The following EXO1 variants were observed in gnomAD, a reference collection of about 807,000 sequenced individuals.
EXO1 encodes the protein exonuclease 1.
EXO1 carries 69 observed loss-of-function variants against 84.5 expected under a neutral mutation model. The ratio of observed to expected loss-of-function variants is 0.82; its 90% CI spans 0.67 to 1.00. The LOEUF is 1.00. Among genes scored for constraint, EXO1 ranks in the 50% least tolerant of loss-of-function variants. EXO1 has a pLI of 0.00. For synonymous variants in EXO1, 373 were observed against 366.1 expected, an observed-to-expected ratio of 1.02 and a Z score of -0.21; for missense variants, 1,045 against 1,000.7, an observed-to-expected ratio of 1.04 and a Z score of -0.60.
At chr1:241,853,228 G>A in intron 5 of EXO1, 130 bp from the exon 6 acceptor site, 1 of 878,676 alleles carries the variant, frequency 1.1e-6, no homozygotes, top group Non-Finnish European at 1.9e-6. Flanking sequence ...TCAAGGGCCT[G>A]GTGTGTACTT....
chr1:241,850,070 A>T lies in EXO1; in HGVS notation c.-17-339A>T, dbSNP rs376470390. Among the ~76,000 whole-genome samples, 49 of 151,952 alleles carry T rather than the reference A, an allele frequency of 3.2e-4. No homozygotes were observed. The South Asian group carries it at 0.01, about 32-fold the overall frequency. On this transcript the variant is annotated intron_variant, in intron 3 of 15. Coordinates refer to ENST00000366548, the MANE Select transcript of EXO1 (RefSeq NM_130398.4). Reference sequence around the variant, plus strand: ...GCCGAGGCGGGCGGATCACGAGTTCAGGAGATCGAGACCATCCTGGCTAAC... The same window carrying T: ...GCCGAGGCGGGCGGATCACGAGTTCTGGAGATCGAGACCATCCTGGCTAAC...
intron 6 of EXO1, among the ~76,000 whole-genome samples, chr1:241,856,012 A>G (rs1661009520): frequency 6.6e-6 from 1 of 152,210 alleles, no homozygotes; most frequent in Non-Finnish European, 1.5e-5. Context: ...TGGCCAGCCC[A>G]GAAAGGGGCT....
At chr1:241,863,423 C>A (rs72755294) in intron 10 of EXO1, among the ~76,000 whole-genome samples, 267 of 144,550 alleles carry the variant, frequency 1.8e-3, no homozygotes, top group East Asian at 2.2e-3. Flanking sequence ...AAAAAAAAAA[C>A]AAAAAAAGCG....
intron 15 of EXO1, among the ~76,000 whole-genome samples, chr1:241,888,935 T>C (rs955692560): frequency 6.6e-6 from 1 of 152,024 alleles, no homozygotes; most frequent in Non-Finnish European, 1.5e-5. Context: ...ATTAGCCAGG[T>C]GTGGTGGTGC....
At chr1:241,859,476 G>A (rs1345798770) in intron 8 of EXO1, among the ~76,000 whole-genome samples, 3 of 152,140 alleles carry the variant, frequency 2.0e-5, no homozygotes, top group African/African-American at 7.2e-5. Context: ...ATTACCTTCA[G>A]TCTATGTGTG....
Position 241,872,148 on chromosome 1 carries a change from G to A in EXO1, c.1384G>A (p.Asp462Asn), listed in dbSNP as rs201895702. 3.1e-5 allele frequency: 50 copies of A among 1,613,920 alleles called. No individual in the cohort carries two copies. Among genetic ancestry groups the A allele is most frequent in the South Asian group, 1.1e-5 (1 of 91,072 alleles). Residue 462 changes from aspartate (D) to asparagine (N), a missense_variant, in exon 12 of 16, where the codon GAC (aspartate) becomes AAC (asparagine). By Grantham distance (23) the Asp-to-Asn change is conservative (BLOSUM62 1). Coordinates refer to ENST00000366548, the MANE Select transcript of EXO1 (RefSeq NM_130398.4). ...SLSFSEVFVP[D>N]LVNGPTNKKS... Reference sequence around the variant, plus strand: ...GAGCTTTTCTGAAGTGTTTGTGCCTGACCTGGTAAATGGACCTACTAACAA... The same window carrying A: ...GAGCTTTTCTGAAGTGTTTGTGCCTAACCTGGTAAATGGACCTACTAACAA...
intron 11 of EXO1, among the ~76,000 whole-genome samples, chr1:241,868,443 C>G (rs1661878936): frequency 6.6e-6 from 1 of 151,452 alleles, no homozygotes; most frequent in Non-Finnish European, 1.5e-5. Flanking sequence ...TGCAGCTTCT[C>G]TGCTCAAAGG....
intron 10 of EXO1, among the ~76,000 whole-genome samples, chr1:241,864,800 G>T (rs1369958906): frequency 6.6e-6 from 1 of 151,726 alleles, no homozygotes; most frequent in Admixed American, 6.6e-5. Context: ...TTTGAGGAAT[G>T]ATTATGGAAA....
intron 6 of EXO1, among the ~76,000 whole-genome samples, chr1:241,856,713 T>C (rs1461006027): frequency 2.0e-5 from 3 of 152,196 alleles, no homozygotes; most frequent in Non-Finnish European, 4.4e-5. Flanking sequence ...ATAGCCATTC[T>C]TAAGATGGAA....
chr1:241,850,560 A>G lies in EXO1; in HGVS notation c.135A>G (p.Lys45=). The change falls in exon 4 of 16, where the codon AAA becomes AAG. Residue 45 remains lysine (K), a synonymous_variant. Transcript: ENST00000366548. Reference sequence around the variant, plus strand: ...AAGGAGCTATTGCTTGTGCTGAAAAACTAGCCAAAGGTGAACCTACTGATA... The same window carrying G: ...AAGGAGCTATTGCTTGTGCTGAAAAGCTAGCCAAAGGTGAACCTACTGATA... ...LHKGAIACAE[K]LAKGEPTDRY... is the part of the protein sequence containing the mutation. 6.2e-7 allele frequency: 1 copy of G among 1,613,986 alleles called. No individual in the cohort carries two copies. Among genetic ancestry groups the G allele is most frequent in the Non-Finnish European group, 8.5e-7 (1 of 1,179,962 alleles).
In EXO1 at chr1:241,866,919, C is replaced by T. The variant is rs1574156070; in HGVS notation, c.1131C>T (p.Pro377=). The T allele has an allele frequency of 6.2e-7, 1 of 1,614,076 alleles. No individual in the cohort carries two copies. The stretch of plus-strand genomic sequence containing the variant: ...GCATTTGGCATAGGAATTACTCTCC[C>T]AGACCAGAGTCGGGTACTGTTTCAG... ...VSSIWHRNYS[P]RPESGTVSDA... Residue 377 remains proline (P), a synonymous_variant, in exon 11 of 16, where the codon CCC becomes CCT. Transcript: ENST00000366548.
intron 11 of EXO1, among the ~76,000 whole-genome samples, chr1:241,868,414 G>A (rs1315825256): frequency 1.3e-5 from 2 of 150,948 alleles, no homozygotes; most frequent in Non-Finnish European, 2.9e-5. Context: ...AAAGCTGTCA[G>A]CTGGTTATTC....
intron 12 of EXO1, among the ~76,000 whole-genome samples, chr1:241,878,462 A>G (rs1331907457): frequency 6.7e-6 from 1 of 148,646 alleles, no homozygotes; most frequent in Non-Finnish European, 1.5e-5. Context: ...CCGCCACTGC[A>G]CTCCAGCCTG....
At chr1:241,875,698 G>GA (rs1276414247) in intron 12 of EXO1, among the ~76,000 whole-genome samples, 2 of 152,130 alleles carry the variant, frequency 1.3e-5, no homozygotes, top group African/African-American at 4.8e-5. Context: ...CTAACATGGT[G>GA]AAACCCCATC....
At position 241,878,759 on chromosome 1, in the gene EXO1, A is replaced by G. The variant is rs1309952139; in HGVS notation, c.1525A>G (p.Ser509Gly). Reference sequence around the variant, plus strand: ...TGCTTTTTTTATTAGGTTTTTTTGCAGTTCAGATTCTACTGACTGTGTATC... The same window carrying G: ...TGCTTTTTTTATTAGGTTTTTTTGCGGTTCAGATTCTACTGACTGTGTATC... ...VPGTRSRFFCSSDSTDCVSNK... is the reference protein window; with the variant it reads ...VPGTRSRFFCGSDSTDCVSNK... The change falls in exon 13 of 16, where the codon AGT (serine) becomes GGT (glycine). Residue 509 changes from serine (S) to glycine (G), a missense_variant. Transcript: ENST00000366548. 1 of 1,609,580 alleles carries G rather than the reference A, an allele frequency of 6.2e-7. No homozygotes were observed. Among genetic ancestry groups the G allele is most frequent in the South Asian group, 1.1e-5 (1 of 90,826 alleles).
In EXO1 at chr1:241,857,474, T is replaced by C. The variant is rs1225979893; in HGVS notation, c.535T>C (p.Cys179Arg). 1 of 1,613,494 alleles carries C rather than the reference T, an allele frequency of 6.2e-7. No individual in the cohort carries two copies. Among genetic ancestry groups the C allele is most frequent in the African/African-American group, 1.3e-5 (1 of 74,902 alleles). Residue 179 changes from cysteine to arginine, a missense_variant, in exon 7 of 16, where the codon TGT becomes CGT. Physicochemically the swap from Cys to Arg is radical, Grantham distance 180. Coordinates refer to ENST00000366548, the MANE Select transcript of EXO1 (RefSeq NM_130398.4). ...GGACTCGGATCTCCTAGCTTTTGGC[T>C]GTAAAAAGGTACTCACCTCTGACTA... ...TEDSDLLAFG[C>R]KKVILKMDQF...
rs749231655 is a variant in EXO1 at position 241,857,374 on chromosome 1, C to T, written c.435C>T (p.Leu145=). ...KAARSQGVDC[L]VAPYEADAQL... Reference sequence around the variant, plus strand: ...CCCGGTCTCAGGGGGTAGATTGCCTCGTGGCTCCCTATGAAGCTGATGCGC... The same window carrying T: ...CCCGGTCTCAGGGGGTAGATTGCCTTGTGGCTCCCTATGAAGCTGATGCGC... Residue 145 remains leucine (L), a synonymous_variant, in exon 7 of 16, where the codon CTC becomes CTT. Transcript: ENST00000366548. 2.5e-6 allele frequency: 4 copies of T among 1,613,882 alleles called. No homozygotes were observed. Among genetic ancestry groups the T allele is most frequent in the South Asian group, 1.1e-5 (1 of 91,068 alleles).
intron 3 of EXO1, among the ~76,000 whole-genome samples, chr1:241,850,009 C>T (rs1209169806): frequency 6.6e-6 from 1 of 152,170 alleles, no homozygotes; most frequent in South Asian, 2.1e-4. Flanking sequence ...TGGCCGGGCG[C>T]GGTGGCTCAC....
upstream of EXO1, chr1:241,848,076 G>A (rs371654255): frequency 3.3e-5 from 5 of 152,296 alleles, no homozygotes; most frequent in East Asian, 7.7e-4. This position sits in a 1 kb window ranked among gnomAD's most constrained non-coding sequence, Gnocchi z 4.2. Context: ...TCTACCCAGC[G>A]AGACGGAGAG....
Sources: gnomAD v4.1 joint callset for allele counts (sites outside exome capture counted in the v4.1 genomes callset) on GRCh38, gnomAD v4.1.1 for gene constraint, Gnocchi (gnomAD v3.1) non-coding constraint, MANE v1.5 for transcripts, NCBI Gene and HGNC (gene_info 2026-07-23, HGNC 2026-07-21) for gene names.